Variants in PIP5K1C observed in about 807,000 individuals in gnomAD.
PIP5K1C encodes the protein phosphatidylinositol 4-phosphate 5-kinase type-1 gamma.
A neutral mutation model predicts 80.1 loss-of-function variants in PIP5K1C; 45 were observed. That is an observed-to-expected ratio of 0.56 (90% CI 0.44 to 0.72). The LOEUF (loss-of-function observed/expected upper bound fraction) is 0.72, where lower values mean the gene tolerates loss of function less well. Among genes scored for constraint, PIP5K1C ranks in the 30% least tolerant of loss-of-function variants. The probability of loss-of-function intolerance (pLI) is 0.00; values close to 1 mark genes in which losing one functional copy is unlikely to be tolerated. For missense variants in PIP5K1C, 753 were observed against 954.6 expected, an observed-to-expected ratio of 0.79 and a Z score of 2.78; for synonymous variants, 498 against 420.1, an observed-to-expected ratio of 1.19 and a Z score of -2.27.
intron 1 of PIP5K1C, among the ~76,000 whole-genome samples, chr19:3,671,474 G>A (rs1319373944): frequency 1.3e-5 from 2 of 152,248 alleles, no homozygotes; most frequent in East Asian, 1.9e-4. Context: ...GCTGGCTAAC[G>A]GGGAGAGGAG....
At chr19:3,633,314 C>G in intron 17 of PIP5K1C, 123 bp downstream of exon 17, 2 of 717,732 alleles carry the variant, frequency 2.8e-6, no homozygotes, top group South Asian at 1.9e-5. Flanking sequence ...CAGGGTGGAG[C>G]TCTGGGCCAC....
At chr19:3,666,530 T>C (rs548081818) in intron 2 of PIP5K1C, among the ~76,000 whole-genome samples, 162 of 149,526 alleles carry the variant, frequency 1.1e-3, no homozygotes, top group African/African-American at 3.8e-3. Flanking sequence ...AACGTGTACA[T>C]ACGCACGCAG....
At chr19:3,669,440 G>A (rs1475703321) in intron 1 of PIP5K1C, among the ~76,000 whole-genome samples, 2 of 152,202 alleles carry the variant, frequency 1.3e-5, no homozygotes, top group South Asian at 2.1e-4. Flanking sequence ...TGCGGAGTCC[G>A]CGGTGCAGAC....
chr19:3,638,475 T>A (rs1247306390), intron 16 of PIP5K1C, among the ~76,000 whole-genome samples: 1 of 152,236 alleles, frequency 6.6e-6, no homozygotes. Flanking sequence ...TCTGGACGTC[T>A]AGGCTGTCAA....
intron 1 of PIP5K1C, among the ~76,000 whole-genome samples, chr19:3,690,423 C>A (rs142548806): frequency 6.7e-6 from 1 of 149,730 alleles, no homozygotes; most frequent in South Asian, 2.1e-4. Context: ...GTCGAGGCTG[C>A]GGTGAGCTAC....
intron 5 of PIP5K1C, 65 bp from the exon 6 acceptor site, chr19:3,656,622 C>A: frequency 6.3e-7 from 1 of 1,578,752 alleles, no homozygotes; most frequent in Non-Finnish European, 8.7e-7. Context: ...CACTGGCTTC[C>A]GGTCTGCCCA....
intron 1 of PIP5K1C, among the ~76,000 whole-genome samples, chr19:3,695,899 A>G (rs1281341774): frequency 6.6e-6 from 1 of 150,950 alleles, no homozygotes; most frequent in East Asian, 1.9e-4. Flanking sequence ...ACTTCTTTTA[A>G]TTTTTTTTTA....
At chr19:3,645,058 A>G (rs1047340448) in intron 11 of PIP5K1C, among the ~76,000 whole-genome samples, 1 of 152,228 alleles carries the variant, frequency 6.6e-6, no homozygotes, top group Non-Finnish European at 1.5e-5. Flanking sequence ...GTGTCTGCCA[A>G]TTCCCACGGT....
Position 3,652,038 on chromosome 19 carries a change from G to T in PIP5K1C, c.922-7C>A. 6.2e-7 allele frequency: 1 copy of T among 1,612,584 alleles called. No homozygotes were observed. The highest frequency in any genetic ancestry group is 8.5e-7 in the Non-Finnish European group (1 of 1,179,548). On this transcript the variant is annotated splice_region_variant and splice_polypyrimidine_tract_variant and intron_variant, in intron 7 of 17. Transcript: ENST00000335312. ...TCTTGAAACTTTCCAGGACCTGGCG[G>T]GATCGGGCAGGAACACGCCACGCCG...
chr19:3,700,276 C>A, intron 1 of PIP5K1C, 21 bp downstream of exon 1: 1 of 1,229,016 alleles, frequency 8.1e-7, no homozygotes, highest in South Asian at 1.8e-5. Flanking sequence ...GGGCCGCAGC[C>A]CCGGGAGGCC....
chr19:3,680,196 G>A (rs534052005), intron 1 of PIP5K1C, among the ~76,000 whole-genome samples: 19 of 152,256 alleles, frequency 1.2e-4, no homozygotes, highest in African/African-American at 4.1e-4. Flanking sequence ...TCGTTCATCC[G>A]TTCATCCATC....
At chr19:3,681,073 T>C (rs1305774209) in intron 1 of PIP5K1C, among the ~76,000 whole-genome samples, 4 of 151,878 alleles carry the variant, frequency 2.6e-5, no homozygotes, top group African/African-American at 4.8e-5. Flanking sequence ...ATCTCGCCCC[T>C]GTTCGCCCCC....
At chr19:3,636,575 C>T (rs959849642) in intron 16 of PIP5K1C, 1 of 985,586 alleles carries the variant, frequency 1.0e-6, no homozygotes, top group Non-Finnish European at 1.2e-6. Context: ...TCCCAGCAGG[C>T]CCCTCTGGGC....
At chr19:3,664,747 C>G (rs2034953229) in intron 3 of PIP5K1C, 75 bp downstream of exon 3, 5 of 1,233,184 alleles carry the variant, frequency 4.1e-6, no homozygotes, top group Non-Finnish European at 4.8e-6. Context: ...TAGGCCCCAT[C>G]CATGCTACCA....
Position 3,631,812 on chromosome 19 carries a change from C to G in PIP5K1C, c.*1355G>C, listed in dbSNP as rs1029935031. Reference sequence around the variant, plus strand: ...AGCCCTGCCTGGGAGGTTCTCCGGCCGTCTCAGACCCCACACCAGGCTCTG... The same window carrying G: ...AGCCCTGCCTGGGAGGTTCTCCGGCGGTCTCAGACCCCACACCAGGCTCTG... On this transcript the variant is annotated 3_prime_UTR_variant, in exon 18 of 18. Transcript: ENST00000335312. The G allele has an allele frequency of 1.3e-5, 2 of 152,242 alleles. No individual in the cohort carries two copies. Among genetic ancestry groups the G allele is most frequent in the Admixed American group, 1.3e-4 (2 of 15,292 alleles). 9.4% of individuals were successfully genotyped at this position (152,242 alleles called of 1,614,324 possible).
intron 17 of PIP5K1C, 103 bp downstream of exon 17, chr19:3,633,334 C>A: frequency 1.1e-6 from 1 of 906,960 alleles, no homozygotes; most frequent in Non-Finnish European, 1.6e-6. Context: ...CCTGTGCCCT[C>A]CCGCCCCGGG....
At position 3,632,942 on chromosome 19, in the gene PIP5K1C, A is replaced by C; in HGVS notation, c.*225T>G. 1.9e-6 allele frequency: 1 copy of C among 527,854 alleles called. No individual in the cohort carries two copies. 32.7% of individuals were successfully genotyped at this position (527,854 alleles called of 1,614,324 possible). ...ACTCAAATGCGATTGGCCGCTCGGG[A>C]GGGTGGGTCTCACAGGGGCAGGCTG... On this transcript the variant is annotated 3_prime_UTR_variant, in exon 18 of 18. Transcript: ENST00000335312.
At chr19:3,639,696 G>T (rs1322872441) in intron 15 of PIP5K1C, among the ~76,000 whole-genome samples, 2 of 151,980 alleles carry the variant, frequency 1.3e-5, no homozygotes, top group Non-Finnish European at 2.9e-5. Flanking sequence ...CCTCCTTTAG[G>T]AGGGATCACA....
chr19:3,655,357 G>A (rs368957398), intron 6 of PIP5K1C, among the ~76,000 whole-genome samples: 3 of 152,140 alleles, frequency 2.0e-5, no homozygotes, highest in Non-Finnish European at 4.4e-5. Flanking sequence ...GGGGGAGGCT[G>A]CAGTGAGCCA....
Sources: gnomAD v4.1 joint callset for allele counts (sites outside exome capture counted in the v4.1 genomes callset) on GRCh38, gnomAD v4.1.1 for gene constraint, MANE v1.5 for transcripts, NCBI Gene and HGNC (gene_info 2026-07-23, HGNC 2026-07-21) for gene names.